The following ANKS1B variants were observed in gnomAD, a reference collection of about 807,000 sequenced individuals.
ANKS1B encodes ankyrin repeat and sterile alpha motif domain-containing protein 1B.
In ANKS1B, 36 loss-of-function variants were observed where a neutral mutation model predicts 148.3. That is an observed-to-expected ratio of 0.24 (90% CI 0.19 to 0.32). ANKS1B has a LOEUF of 0.32. ANKS1B is among the 10% of genes least tolerant of loss of function. The pLI is 1.00. For missense variants in ANKS1B, 1,157 were observed against 1,542.6 expected (o/e 0.75, Z 4.19); for synonymous variants, 542 against 560.8 (o/e 0.97, Z 0.47).
chr12:98,982,554 GC>G lies in ANKS1B; in HGVS notation c.2778+70602del, dbSNP rs534992320. ...TGAATTTTGTTTTTATCATCCTTTT[GC>G]TTTTCTTAAAAGTTTTAACACATTT... On this transcript the variant is annotated intron_variant, in intron 17 of 26. Transcript: ENST00000683438. Among the ~76,000 whole-genome samples the G allele has an allele frequency of 1.5e-4, 23 of 152,000 alleles. No homozygotes were observed. The East Asian group carries it at 4.4e-3, about 29-fold the overall frequency.
At chr12:98,972,240 T>C (rs1163838136) in intron 17 of ANKS1B, among the ~76,000 whole-genome samples, 1 of 152,188 alleles carries the variant, frequency 6.6e-6, no homozygotes, top group East Asian at 1.9e-4. Flanking sequence ...TTTCATTGCA[T>C]TGTTTTGACA....
chr12:99,875,284 T>A (rs1397518874), intron 1 of ANKS1B, among the ~76,000 whole-genome samples: 2 of 152,168 alleles, frequency 1.3e-5, no homozygotes, highest in Admixed American at 6.5e-5. Context: ...AAATTTAAAA[T>A]AAATTTTGCC....
chr12:99,731,413 C>CTGTGT (rs1237223581), intron 8 of ANKS1B, among the ~76,000 whole-genome samples: 1 of 143,726 alleles, frequency 7.0e-6, no homozygotes, highest in Non-Finnish European at 1.5e-5. Flanking sequence ...ACCACCGTGC[C>CTGTGT]GTGTGTGTGT....
rs373995732 is a variant in ANKS1B at position 99,139,166 on chromosome 12, ATCTT to A, written c.2526+15119_2526+15122del. Among the ~76,000 whole-genome samples the A allele has an allele frequency of 1.0e-3, 150 of 148,944 alleles. 2 individuals are homozygous for A. The East Asian group carries it at 0.021, about 20-fold the overall frequency. ...ATAGGCCACCATGCCCAGCTAATCA[ATCTT>A]TCTTTCTTTCTTTCTTTTTCTCTTT... On this transcript the variant is annotated intron_variant, in intron 15 of 26. Transcript: ENST00000683438.
intron 9 of ANKS1B, among the ~76,000 whole-genome samples, chr12:99,506,099 C>T (rs1402476938): frequency 6.6e-6 from 1 of 152,050 alleles, no homozygotes; most frequent in Non-Finnish European, 1.5e-5. Context: ...TATTCAAAAT[C>T]TGATGTACGG....
At chr12:99,574,300 G>C (rs2097493758) in intron 9 of ANKS1B, among the ~76,000 whole-genome samples, 1 of 152,056 alleles carries the variant, frequency 6.6e-6, no homozygotes, top group Non-Finnish European at 1.5e-5. Flanking sequence ...CTTAGTTGTA[G>C]AGTCTTTTTT....
chr12:99,429,115 C>T (rs1436384360), intron 11 of ANKS1B, among the ~76,000 whole-genome samples: 1 of 152,032 alleles, frequency 6.6e-6, no homozygotes, highest in Non-Finnish European at 1.5e-5. Context: ...AAGTACCTCC[C>T]CACAAATGTA....
chr12:98,974,817 T>C lies in ANKS1B; in HGVS notation c.2778+78340A>G, dbSNP rs77509887. 5.4e-3 allele frequency among the ~76,000 whole-genome samples: 823 copies of C among 152,250 alleles called. 4 individuals are homozygous for C. The highest frequency in any genetic ancestry group is 8.1e-3 in the Non-Finnish European group (553 of 67,988). On this transcript the variant is annotated intron_variant, in intron 17 of 26. Coordinates refer to ENST00000683438, the MANE Select transcript of ANKS1B (RefSeq NM_001352186.2). ...CTGCCTGCCTTCTTGCCTTCTTGTC[T>C]CCTTGCCTACCTTCCTTCCTTTCTT... is the stretch of plus-strand genomic sequence containing the variant.
At chr12:99,107,701 G>A (rs1361484376) in intron 15 of ANKS1B, among the ~76,000 whole-genome samples, 1 of 152,174 alleles carries the variant, frequency 6.6e-6, no homozygotes, top group African/African-American at 2.4e-5. Flanking sequence ...ACTTAAGTGA[G>A]TTGTAACACA....
chr12:99,133,115 G>A (rs977480264), intron 15 of ANKS1B, among the ~76,000 whole-genome samples: 1 of 147,394 alleles, frequency 6.8e-6, no homozygotes, highest in Non-Finnish European at 1.5e-5. Context: ...ACAGTGGTGC[G>A]ATCTCGGCTC....
intron 22 of ANKS1B, among the ~76,000 whole-genome samples, chr12:98,798,643 G>T (rs2098973444): frequency 6.6e-6 from 1 of 152,024 alleles, no homozygotes; most frequent in South Asian, 2.1e-4. Context: ...ACCTTTTGTT[G>T]TAATAAAGAT....
chr12:99,458,323 G>C (rs1360386280), intron 10 of ANKS1B, among the ~76,000 whole-genome samples: 1 of 151,434 alleles, frequency 6.6e-6, no homozygotes, highest in African/African-American at 2.4e-5. Flanking sequence ...CAAAACATCT[G>C]AGAGCACAAA....
At chr12:99,454,164 A>G (rs1034120102) in intron 10 of ANKS1B, among the ~76,000 whole-genome samples, 2 of 152,358 alleles carry the variant, frequency 1.3e-5, no homozygotes, top group Middle Eastern at 3.4e-3. Context: ...TGTTGGCAAG[A>G]TAAAGTATTC....
In ANKS1B at chr12:99,246,808, A is replaced by T. The variant is rs758891412; in HGVS notation, c.1813T>A (p.Phe605Ile). The T allele has an allele frequency of 5.6e-6, 9 of 1,610,732 alleles. No homozygotes were observed. In the South Asian group the frequency reaches 7.7e-5, roughly 14 times the overall value. Residue 605 changes from phenylalanine (F) to isoleucine (I), a missense_variant, in exon 13 of 27, where the codon TTT (phenylalanine) becomes ATT (isoleucine). By Grantham distance (21) the Phe-to-Ile change is conservative. Transcript: ENST00000683438. ...DPPKEYDPGQFAGLLHGSSPA... is the reference protein window; with the variant it reads ...DPPKEYDPGQIAGLLHGSSPA... Reference sequence around the variant, plus strand: ...GAGGATCCATGGAGCAGGCCTGCAAATTGCCCAGGATCATATTCTTTTGGG... The same window carrying T: ...GAGGATCCATGGAGCAGGCCTGCAATTTGCCCAGGATCATATTCTTTTGGG...
At chr12:99,787,378 C>G (rs1234959129) in intron 4 of ANKS1B, among the ~76,000 whole-genome samples, 1 of 152,186 alleles carries the variant, frequency 6.6e-6, no homozygotes, top group African/African-American at 2.4e-5. Flanking sequence ...TCCTCCTTCA[C>G]CTTCCACCAT....
intron 10 of ANKS1B, among the ~76,000 whole-genome samples, chr12:99,459,654 T>C (rs2095913840): frequency 6.6e-6 from 1 of 150,982 alleles, no homozygotes; most frequent in Non-Finnish European, 1.5e-5. Context: ...TCAACCCCTT[T>C]TACAATAGCT....
At chr12:99,050,311 T>C (rs1251614217) in intron 17 of ANKS1B, among the ~76,000 whole-genome samples, 1 of 152,222 alleles carries the variant, frequency 6.6e-6, no homozygotes, top group Non-Finnish European at 1.5e-5. Flanking sequence ...TACCCAATTC[T>C]ATTGGGCATA....
chr12:99,738,829 C>T (rs2059840652), intron 8 of ANKS1B, among the ~76,000 whole-genome samples: 1 of 152,152 alleles, frequency 6.6e-6, no homozygotes, highest in South Asian at 2.1e-4. Context: ...AATATGCTCA[C>T]ATTTGGAGAT....
intron 17 of ANKS1B, among the ~76,000 whole-genome samples, chr12:99,027,029 A>G (rs900288013): frequency 6.6e-6 from 1 of 152,202 alleles, no homozygotes; most frequent in Non-Finnish European, 1.5e-5. Context: ...ACAAGTCTGT[A>G]AGTTTGAGAA....
Sources: allele counts gnomAD v4.1 joint callset (sites outside exome capture counted in the v4.1 genomes callset), GRCh38; gene constraint gnomAD v4.1.1; transcripts MANE v1.5; gene names NCBI Gene and HGNC (gene_info 2026-07-23, HGNC 2026-07-21).